Variants in MITF observed in about 807,000 individuals in gnomAD.
MITF encodes melanocyte inducing transcription factor, also known as microphthalmia-associated transcription factor.
MITF carries 17 observed loss-of-function variants against 60.5 expected under a neutral mutation model. The ratio of observed to expected loss-of-function variants is 0.28; its 90% CI spans 0.19 to 0.42. MITF has a LOEUF of 0.42. Ranked by LOEUF, MITF falls within the 10% of genes least tolerant of loss-of-function variation. MITF has a pLI of 1.00. For missense variants in MITF, 622 were observed against 683.5 expected, an observed-to-expected ratio of 0.91 and a Z score of 1.00; for synonymous variants, 260 against 248.5, an observed-to-expected ratio of 1.05 and a Z score of -0.43.
intron 2 of MITF, among the ~76,000 whole-genome samples, chr3:69,937,350 G>C (rs2065862923): frequency 6.7e-6 from 1 of 150,146 alleles, no homozygotes; most frequent in African/African-American, 2.5e-5. Context: ...ATTTTACACA[G>C]TTGGTTCTTA....
At chr3:69,953,545 A>C (rs2066310165) in intron 7 of MITF, among the ~76,000 whole-genome samples, 1 of 151,052 alleles carries the variant, frequency 6.6e-6, no homozygotes, top group Non-Finnish European at 1.5e-5. Context: ...TCATTTATTC[A>C]CTCATTCAAT....
chr3:69,828,374 A>G (rs1257850850), intron 1 of MITF, among the ~76,000 whole-genome samples: 4 of 152,194 alleles, frequency 2.6e-5, no homozygotes, highest in Non-Finnish European at 5.9e-5. Flanking sequence ...GAAGAGTAAT[A>G]GGTCAGTTTT....
At chr3:69,914,426 C>A (rs146276221) in intron 2 of MITF, among the ~76,000 whole-genome samples, 4 of 152,224 alleles carry the variant, frequency 2.6e-5, no homozygotes, top group African/African-American at 9.6e-5. Flanking sequence ...CCAGCCTGAA[C>A]AACTCTGTTT....
intron 2 of MITF, among the ~76,000 whole-genome samples, chr3:69,881,645 T>C (rs2064491174): frequency 8.1e-6 from 1 of 123,188 alleles, no homozygotes; most frequent in South Asian, 2.3e-4. Context: ...GAAAGGTGGT[T>C]TTTTTTTTCT....
chr3:69,754,060 A>G (rs1457037010), intron 1 of MITF, among the ~76,000 whole-genome samples: 1 of 152,168 alleles, frequency 6.6e-6, no homozygotes, highest in African/African-American at 2.4e-5. Context: ...TCTCAGGTCA[A>G]ATTGTAATCC....
rs1340352425 is a variant in MITF at position 69,778,275 on chromosome 3, A to G, written c.104+38574A>G. On this transcript the variant is annotated intron_variant, in intron 1 of 9. Coordinates refer to ENST00000352241, the MANE Select transcript of MITF (RefSeq NM_001354604.2). ...GATGAATATTAATTCTTCCTCCTATATGTGGTAGAGTAGATGGATGTTTAT... is the reference window on the plus strand; with the variant it reads ...GATGAATATTAATTCTTCCTCCTATGTGTGGTAGAGTAGATGGATGTTTAT... Among the ~76,000 whole-genome samples, 5 of 152,150 alleles carry G rather than the reference A, an allele frequency of 3.3e-5. No individual in the cohort carries two copies. The East Asian group carries it at 9.6e-4, about 29-fold the overall frequency.
chr3:69,740,772 TGCACTCG>T (rs1482098051), intron 1 of MITF, among the ~76,000 whole-genome samples: 1 of 152,204 alleles, frequency 6.6e-6, no homozygotes, highest in East Asian at 1.9e-4. Context: ...GCAGGGCTTC[TGCACTCG>T]GCTGTAACTT....
At chr3:69,942,592 C>G (rs2065994507) in intron 5 of MITF, among the ~76,000 whole-genome samples, 1 of 151,932 alleles carries the variant, frequency 6.6e-6, no homozygotes, top group African/African-American at 2.4e-5. Flanking sequence ...TACTTTCTAC[C>G]CATTTAAACC....
intron 1 of MITF, among the ~76,000 whole-genome samples, chr3:69,794,430 A>G (rs1319069471): frequency 1.3e-5 from 2 of 152,184 alleles, no homozygotes; most frequent in Non-Finnish European, 2.9e-5. Flanking sequence ...TCCTTTTCCA[A>G]ATAGATGACT....
intron 1 of MITF, among the ~76,000 whole-genome samples, chr3:69,825,168 G>T (rs2063335321): frequency 6.6e-6 from 1 of 152,132 alleles, no homozygotes; most frequent in Admixed American, 6.5e-5. Context: ...TGGACCCAGG[G>T]TTAATATAGG....
chr3:69,921,228 C>A (rs1433838919), intron 2 of MITF, among the ~76,000 whole-genome samples: 1 of 152,168 alleles, frequency 6.6e-6, no homozygotes, highest in Non-Finnish European at 1.5e-5. Flanking sequence ...ATGTGAAACT[C>A]CGTAAGCTTA....
intron 1 of MITF, among the ~76,000 whole-genome samples, chr3:69,871,280 G>A (rs925100576): frequency 6.6e-6 from 1 of 152,192 alleles, no homozygotes; most frequent in African/African-American, 2.4e-5. Flanking sequence ...TGAAGGAATA[G>A]GGATAACCCT....
At chr3:69,803,306 A>G (rs1015267232) in intron 1 of MITF, among the ~76,000 whole-genome samples, 9 of 152,172 alleles carry the variant, frequency 5.9e-5, no homozygotes, top group African/African-American at 2.2e-4. Context: ...TATACCCCCT[A>G]AGAAACTCTG....
intron 1 of MITF, among the ~76,000 whole-genome samples, chr3:69,747,122 G>C (rs1219192225): frequency 1.3e-5 from 2 of 152,174 alleles, no homozygotes; most frequent in Non-Finnish European, 2.9e-5. Flanking sequence ...ACTGGGTGCT[G>C]AGTGTCAGTC....
intron 1 of MITF, among the ~76,000 whole-genome samples, chr3:69,872,125 T>A (rs571711113): frequency 6.6e-6 from 1 of 152,332 alleles, no homozygotes; most frequent in African/African-American, 2.4e-5. Flanking sequence ...GGTTTGGCTC[T>A]CAGAGGCGAT....
At chr3:69,921,425 A>G (rs2107430819) in intron 2 of MITF, among the ~76,000 whole-genome samples, 1 of 152,324 alleles carries the variant, frequency 6.6e-6, no homozygotes, top group African/African-American at 2.4e-5. Context: ...TTTTTGAAAC[A>G]TTAGAATTGT....
At chr3:69,780,857 C>G (rs2062551620) in intron 1 of MITF, among the ~76,000 whole-genome samples, 1 of 152,132 alleles carries the variant, frequency 6.6e-6, no homozygotes, top group Non-Finnish European at 1.5e-5. Context: ...GCAAGTTGCT[C>G]CAGACCAGAT....
At chr3:69,762,494 C>G (rs546589414) in intron 1 of MITF, among the ~76,000 whole-genome samples, 2 of 152,176 alleles carry the variant, frequency 1.3e-5, no homozygotes, top group Non-Finnish European at 2.9e-5. Context: ...GAGATATTAT[C>G]GACAGGGACT....
chr3:69,901,585 CT>C (rs2064996839), intron 2 of MITF, among the ~76,000 whole-genome samples: 1 of 152,064 alleles, frequency 6.6e-6, no homozygotes, highest in Admixed American at 6.6e-5. Flanking sequence ...TTTCCTATTG[CT>C]TATTTTTCTC....
Sources: allele counts gnomAD v4.1 joint callset (sites outside exome capture counted in the v4.1 genomes callset), GRCh38; gene constraint gnomAD v4.1.1; transcripts MANE v1.5; gene names NCBI Gene and HGNC (gene_info 2026-07-23, HGNC 2026-07-21).